CFAP299: variants seen among roughly 807,000 people sequenced by gnomAD.
The protein encoded by CFAP299 is cilia and flagella associated protein 299, also known as cilia- and flagella-associated protein 299.
A neutral mutation model predicts 27.0 loss-of-function variants in CFAP299; 21 were observed. The ratio of observed to expected loss-of-function variants is 0.78; its 90% CI spans 0.55 to 1.12. CFAP299 has a LOEUF of 1.12. CFAP299 is among the 50% of genes most tolerant of loss of function. The probability of loss-of-function intolerance (pLI) is 0.00; values close to 1 mark genes in which losing one functional copy is unlikely to be tolerated. For synonymous variants in CFAP299, 104 were observed against 98.1 expected, an observed-to-expected ratio of 1.06 and a Z score of -0.36; for missense variants, 310 against 276.6, an observed-to-expected ratio of 1.12 and a Z score of -0.86.
At chr4:80,854,810 G>GAAAAA (rs58533748) in intron 3 of CFAP299, among the ~76,000 whole-genome samples, 9 of 43,376 alleles carry the variant, frequency 2.1e-4, no homozygotes, top group Admixed American at 3.2e-4. Flanking sequence ...CTGTTGCTAT[G>GAAAAA]AAAAAAAAAA....
At chr4:80,389,778 A>G (rs1041071629) in intron 2 of CFAP299, among the ~76,000 whole-genome samples, 1 of 152,164 alleles carries the variant, frequency 6.6e-6, no homozygotes. Flanking sequence ...ACAGTACTAA[A>G]ATCCTTATAT....
At chr4:80,719,484 CGTAT>C (rs2110044237) in intron 3 of CFAP299, among the ~76,000 whole-genome samples, 1 of 152,226 alleles carries the variant, frequency 6.6e-6, no homozygotes, top group Non-Finnish European at 1.5e-5. Flanking sequence ...CCATTTGCAA[CGTAT>C]GTGAGTTCCA....
intron 2 of CFAP299, among the ~76,000 whole-genome samples, chr4:80,496,274 A>G (rs1731435493): frequency 6.6e-6 from 1 of 152,210 alleles, no homozygotes; most frequent in African/African-American, 2.4e-5. Flanking sequence ...AGATGAGTAG[A>G]GTGTGTTAGA....
intron 3 of CFAP299, among the ~76,000 whole-genome samples, chr4:80,691,473 G>T (rs1286576210): frequency 1.3e-5 from 2 of 151,940 alleles, no homozygotes; most frequent in East Asian, 3.9e-4. Context: ...TGCAGAAAAG[G>T]CCTTTGACAA....
chr4:80,636,312 A>G (rs966387843), intron 3 of CFAP299, among the ~76,000 whole-genome samples: 2 of 152,150 alleles, frequency 1.3e-5, no homozygotes, highest in Non-Finnish European at 2.9e-5. Flanking sequence ...AAGGTCATCT[A>G]TGAGTAAATG....
intron 4 of CFAP299, among the ~76,000 whole-genome samples, chr4:80,909,924 A>G (rs148813697): frequency 1.8e-3 from 278 of 152,264 alleles, no homozygotes; most frequent in African/African-American, 6.3e-3. Context: ...TGGAATTCAA[A>G]TAACTTATAA....
intron 4 of CFAP299, among the ~76,000 whole-genome samples, chr4:80,905,514 C>G (rs1307462559): frequency 6.6e-6 from 1 of 152,048 alleles, no homozygotes; most frequent in Non-Finnish European, 1.5e-5. Flanking sequence ...ATACACACAG[C>G]AGTAATATTC....
intron 3 of CFAP299, among the ~76,000 whole-genome samples, chr4:80,652,454 G>T (rs564736658): frequency 6.6e-6 from 1 of 152,090 alleles, no homozygotes; most frequent in East Asian, 1.9e-4. Flanking sequence ...GTAAATAGGG[G>T]GCAACAACTG....
At chr4:80,940,985 G>A (rs770329098) in intron 4 of CFAP299, among the ~76,000 whole-genome samples, 3 of 152,054 alleles carry the variant, frequency 2.0e-5, no homozygotes, top group South Asian at 2.1e-4. Context: ...TGTTTCTGTG[G>A]GGGATTCGTT....
chr4:80,417,805 T>C (rs1321544807), intron 2 of CFAP299, among the ~76,000 whole-genome samples: 2 of 152,072 alleles, frequency 1.3e-5, no homozygotes, highest in Non-Finnish European at 2.9e-5. Context: ...TACGTATATG[T>C]ACATGTGTAT....
At chr4:80,676,294 A>G (rs1719451042) in intron 3 of CFAP299, among the ~76,000 whole-genome samples, 1 of 152,194 alleles carries the variant, frequency 6.6e-6, no homozygotes. Flanking sequence ...TTGCATTTCT[A>G]GGATGAATTG....
intron 2 of CFAP299, among the ~76,000 whole-genome samples, chr4:80,500,656 G>A (rs1036625573): frequency 8.5e-5 from 13 of 152,236 alleles, no homozygotes; most frequent in African/African-American, 2.4e-4. Context: ...AGTATATTCA[G>A]TAAGTCTTTA....
chr4:80,945,017 A>C, intron 5 of CFAP299, 78 bp downstream of exon 5: 3 of 1,335,288 alleles, frequency 2.2e-6, no homozygotes, highest in Non-Finnish European at 3.2e-6. Flanking sequence ...AAATCTGTTA[A>C]ATATTTGACA....
At chr4:80,731,749 G>A (rs1345177100) in intron 3 of CFAP299, among the ~76,000 whole-genome samples, 1 of 151,984 alleles carries the variant, frequency 6.6e-6, no homozygotes, top group African/African-American at 2.4e-5. Context: ...GAAGTCTTTG[G>A]CTGAGTTGAT....
At chr4:80,462,806 ACTT>A (rs1280814880) in intron 2 of CFAP299, among the ~76,000 whole-genome samples, 2 of 152,130 alleles carry the variant, frequency 1.3e-5, no homozygotes, top group South Asian at 4.1e-4. Flanking sequence ...ACTCAGCAAA[ACTT>A]CTTCCTCTTT....
intron 4 of CFAP299, among the ~76,000 whole-genome samples, chr4:80,905,032 T>C (rs1393246045): frequency 1.3e-5 from 2 of 152,342 alleles, no homozygotes; most frequent in Non-Finnish European, 1.5e-5. Context: ...GTGTGAAATA[T>C]GGATGAAATT....
At chr4:80,575,546 G>A (rs149695319) in intron 2 of CFAP299, among the ~76,000 whole-genome samples, 1,527 of 148,810 alleles carry the variant, frequency 0.01, 27 homozygotes, top group South Asian at 0.08. Context: ...TTTTTTTTTC[G>A]CAGTCTGGCT....
intron 2 of CFAP299, among the ~76,000 whole-genome samples, chr4:80,461,457 T>A (rs926008441): frequency 6.6e-6 from 1 of 152,150 alleles, no homozygotes; most frequent in Non-Finnish European, 1.5e-5. Context: ...ATACTTAGAT[T>A]TCTTTCAGGG....
chr4:80,752,321 A>T (rs1724979850), intron 3 of CFAP299, among the ~76,000 whole-genome samples: 1 of 151,196 alleles, frequency 6.6e-6, no homozygotes, highest in African/African-American at 2.4e-5. Context: ...AGTGCCACGG[A>T]CCACAGTTGC....
Sources: gnomAD v4.1 joint callset for allele counts (sites outside exome capture counted in the v4.1 genomes callset) on GRCh38, gnomAD v4.1.1 for gene constraint, MANE v1.5 for transcripts, NCBI Gene and HGNC (gene_info 2026-07-23, HGNC 2026-07-21) for gene names.